The following IFT140 variants were observed in gnomAD, a reference collection of about 807,000 sequenced individuals.
The protein encoded by IFT140 is intraflagellar transport protein 140 homolog.
Under a neutral mutation model 164.6 loss-of-function variants are expected in IFT140, and 133 were observed. That is an observed-to-expected ratio of 0.81 (90% CI 0.70 to 0.93). The LOEUF (loss-of-function observed/expected upper bound fraction) is 0.93. Among genes scored for constraint, IFT140 ranks in the 40% least tolerant of loss-of-function variants. IFT140 has a pLI of 0.00. For missense variants in IFT140, 2,045 were observed against 1,972.3 expected (o/e 1.04, Z -0.70); for synonymous variants, 860 against 817.3 (o/e 1.05, Z -0.89).
At chr16:1,549,844 A>AC (rs1207211707) in intron 19 of IFT140, among the ~76,000 whole-genome samples, 1 of 152,180 alleles carries the variant, frequency 6.6e-6, no homozygotes, top group African/African-American at 2.4e-5. Context: ...TGCTGTTTAC[A>AC]CCTGATCTGC....
chr16:1,591,032 C>G (rs759464599), intron 6 of IFT140, among the ~76,000 whole-genome samples: 15 of 152,216 alleles, frequency 9.9e-5, no homozygotes, highest in Non-Finnish European at 1.9e-4. Context: ...TTCTAAGCAT[C>G]TTTACGATAA....
intron 12 of IFT140, among the ~76,000 whole-genome samples, chr16:1,581,528 A>T (rs1368667662): frequency 6.6e-6 from 1 of 151,534 alleles, no homozygotes; most frequent in Admixed American, 6.6e-5. Flanking sequence ...TGAGCCCAGG[A>T]GATGGAGGCT....
Position 1,525,252 on chromosome 16 carries a change from T to C in IFT140, c.2843A>G (p.Tyr948Cys). The C allele has an allele frequency of 1.2e-6, 2 of 1,612,364 alleles. No homozygotes were observed. The highest frequency in any genetic ancestry group is 1.7e-6 in the Non-Finnish European group (2 of 1,179,468). ...TCACTTATCCTTCATTTTATTCACG[T>C]AGAGCTCCAGGGACGGCAGGTCCTC... is the stretch of plus-strand genomic sequence containing the variant. ...LSEDLPSLELYVNKMKDKTLW... is the reference protein window; with the variant it reads ...LSEDLPSLELCVNKMKDKTLW... Residue 948 changes from tyrosine (Y) to cysteine (C), a missense_variant, in exon 22 of 31, where the codon TAC (tyrosine) becomes TGC (cysteine). Physicochemically the swap from Tyr to Cys is radical, Grantham distance 194. Transcript: ENST00000426508.
rs557133971 is a variant in IFT140, at chr16:1,561,154, G to A, written c.2199+831C>T. On this transcript the variant is annotated intron_variant, in intron 18 of 30. Transcript: ENST00000426508. ...TGCTCCCAGAGGCTGAGAACAACAG[G>A]TCAGTGAAGCGAGGGGAGCAGCTCT... is the stretch of plus-strand genomic sequence containing the variant. Among the ~76,000 whole-genome samples the A allele has an allele frequency of 5.3e-5, 8 of 152,350 alleles. No homozygotes were observed. In the East Asian group the frequency reaches 9.6e-4, roughly 18 times the overall value.
intron 2 of IFT140, among the ~76,000 whole-genome samples, chr16:1,608,079 A>G (rs2142111652): frequency 6.8e-6 from 1 of 147,472 alleles, no homozygotes; most frequent in Admixed American, 6.6e-5. Flanking sequence ...CAGGTGGTAG[A>G]AGACAGAAGT....
In IFT140 at chr16:1,555,194, C is replaced by T. The variant is rs549749895; in HGVS notation, c.2399+2741G>A. ...GACACGTGTGCGTTTACTGTTATGT[C>T]GGTCATATGTCTGTACGTGTCGTGG... On this transcript the variant is annotated intron_variant, in intron 19 of 30. Transcript: ENST00000426508. 59 of 845,034 alleles carry T rather than the reference C, an allele frequency of 7.0e-5. No homozygotes were observed. In the African/African-American group the frequency reaches 8.1e-4, roughly 12 times the overall value. The allele number at this position is 845,034 out of a possible 1,614,324, so 52.3% of individuals were successfully genotyped here.
At chr16:1,575,728 C>T (rs915585556) in intron 13 of IFT140, among the ~76,000 whole-genome samples, 1 of 151,886 alleles carries the variant, frequency 6.6e-6, no homozygotes, top group Non-Finnish European at 1.5e-5. Context: ...CATCATGCCA[C>T]TGGCCTCTCC....
intron 14 of IFT140, among the ~76,000 whole-genome samples, chr16:1,570,007 G>A (rs906804282): frequency 1.3e-5 from 2 of 152,106 alleles, no homozygotes; most frequent in African/African-American, 4.8e-5. Context: ...GACCTCTTTT[G>A]GTGGGGTCTG....
At chr16:1,570,428 T>C (rs2033955100) in intron 14 of IFT140, among the ~76,000 whole-genome samples, 1 of 152,178 alleles carries the variant, frequency 6.6e-6, no homozygotes, top group African/African-American at 2.4e-5. Context: ...CACTTGCTAA[T>C]CTGTAACTCC....
chr16:1,565,786 G>A (rs910904888), intron 16 of IFT140, among the ~76,000 whole-genome samples: 3 of 152,240 alleles, frequency 2.0e-5, no homozygotes, highest in Non-Finnish European at 2.9e-5. Context: ...GAAGACAGAC[G>A]ATTGTTCTCC....
Position 1,525,914 on chromosome 16 carries a change from C to A in IFT140, c.2741G>T (p.Ser914Ile). ...ACTGAGGGCCCGGCTGCAGTCGGCG[C>A]TGGCCTCCAGGTGCCCGGCATAGCG... ...YHRYAGHLEASADCSRALSYY... is the reference protein window; with the variant it reads ...YHRYAGHLEAIADCSRALSYY... The change falls in exon 21 of 31, where the codon AGC (serine) becomes ATC (isoleucine). Residue 914 changes from serine to isoleucine, a missense_variant. Transcript: ENST00000426508. 1 of 1,560,730 alleles carries A rather than the reference C, an allele frequency of 6.4e-7. No individual in the cohort carries two copies. Among genetic ancestry groups the A allele is most frequent in the Non-Finnish European group, 8.7e-7 (1 of 1,154,536 alleles).
chr16:1,583,462 G>A (rs1044924901), intron 11 of IFT140, 76 bp from the exon 12 acceptor site: 11 of 1,195,864 alleles, frequency 9.2e-6, no homozygotes, highest in South Asian at 6.6e-5. Flanking sequence ...TGCACACCTC[G>A]AAAGCCTCCT....
chr16:1,559,588 A>T (rs1339172776), intron 18 of IFT140, among the ~76,000 whole-genome samples: 1 of 152,174 alleles, frequency 6.6e-6, no homozygotes, highest in Non-Finnish European at 1.5e-5. Flanking sequence ...CTCTATTGCA[A>T]ATGTAGGTAA....
intron 4 of IFT140, 80 bp downstream of exon 4, chr16:1,602,290 A>G (rs2035833095): frequency 8.0e-7 from 1 of 1,244,318 alleles, no homozygotes; most frequent in Non-Finnish European, 1.2e-6. Context: ...CACGGTTCCC[A>G]TATTTTGATC....
At chr16:1,513,733 G>A (rs1237696330) in intron 30 of IFT140, among the ~76,000 whole-genome samples, 1 of 150,696 alleles carries the variant, frequency 6.6e-6, no homozygotes, top group South Asian at 2.1e-4. Context: ...GAGTGCAGTG[G>A]TGCGATCTCT....
At position 1,557,965 on chromosome 16, in the gene IFT140, T is replaced by A. The variant is rs764309826; in HGVS notation, c.2369A>T (p.Glu790Val). ...GATGAGCTTGATGGATTTGAAGGCT[T>A]CGTCCATGTCTCCTATGGTGACAAA... ...SFFVTIGDMDEAFKSIKLIKS... is the reference protein window; with the variant it reads ...SFFVTIGDMDVAFKSIKLIKS... The change falls in exon 19 of 31, where the codon GAA becomes GTA. Residue 790 changes from glutamate to valine, a missense_variant. Transcript: ENST00000426508. 6.2e-7 allele frequency: 1 copy of A among 1,613,812 alleles called. No individual in the cohort carries two copies. The highest frequency in any genetic ancestry group is 8.5e-7 in the Non-Finnish European group (1 of 1,180,038).
intron 30 of IFT140, chr16:1,517,994 T>C (rs1180936978): frequency 1.2e-5 from 5 of 429,082 alleles, no homozygotes; most frequent in African/African-American, 6.1e-5. Flanking sequence ...TGAGCCACCA[T>C]GCCTGGCTAA....
At chr16:1,537,173 G>A (rs565290882) in intron 19 of IFT140, among the ~76,000 whole-genome samples, 42 of 152,336 alleles carry the variant, frequency 2.8e-4, no homozygotes, top group African/African-American at 9.4e-4. Flanking sequence ...GTCTAGGGTC[G>A]GGGTGGGGCA....
intron 30 of IFT140, among the ~76,000 whole-genome samples, chr16:1,511,915 A>T (rs1052553023): frequency 6.6e-6 from 1 of 151,766 alleles, no homozygotes; most frequent in Non-Finnish European, 1.5e-5. Flanking sequence ...CAGTGGCAGA[A>T]TTCAGAGAAG....
Sources: gnomAD v4.1 joint callset for allele counts (sites outside exome capture counted in the v4.1 genomes callset) on GRCh38, gnomAD v4.1.1 for gene constraint, MANE v1.5 for transcripts, NCBI Gene and HGNC (gene_info 2026-07-23, HGNC 2026-07-21) for gene names.